Variants in ASTN2 observed in about 807,000 individuals in gnomAD.
The protein encoded by ASTN2 is astrotactin-2.
In ASTN2, 54 loss-of-function variants were observed where a neutral mutation model predicts 139.8. That is an observed-to-expected ratio of 0.39 (90% confidence interval 0.31 to 0.48). The LOEUF (loss-of-function observed/expected upper bound fraction) is 0.48. Ranked by LOEUF, ASTN2 falls within the 20% of genes least tolerant of loss-of-function variation. The pLI, the probability that ASTN2 is intolerant of heterozygous loss-of-function variation, is 0.95. For missense variants in ASTN2, 1,565 were observed against 1,725.1 expected, an observed-to-expected ratio of 0.91 and a Z score of 1.64; for synonymous variants, 756 against 719.5, an observed-to-expected ratio of 1.05 and a Z score of -0.81.
chr9:116,499,189 T>C (rs1448123581), intron 19 of ASTN2, among the ~76,000 whole-genome samples: 1 of 152,216 alleles, frequency 6.6e-6, no homozygotes, highest in African/African-American at 2.4e-5. Context: ...ATTTACCTCT[T>C]TATTTGCTTT....
intron 1 of ASTN2, among the ~76,000 whole-genome samples, chr9:117,400,549 C>A (rs1830800504): frequency 6.6e-6 from 1 of 152,184 alleles, no homozygotes; most frequent in Non-Finnish European, 1.5e-5. Context: ...GGCAGTCCCC[C>A]TCCCTGGGGA....
chr9:117,004,555 T>C (rs1837301868), intron 7 of ASTN2, among the ~76,000 whole-genome samples: 1 of 152,188 alleles, frequency 6.6e-6, no homozygotes, highest in Non-Finnish European at 1.5e-5. Context: ...AGAAGTCGTC[T>C]CCTTACTTCT....
chr9:117,097,725 A>G (rs1272696855), intron 4 of ASTN2, among the ~76,000 whole-genome samples: 1 of 152,232 alleles, frequency 6.6e-6, no homozygotes, highest in East Asian at 1.9e-4. Flanking sequence ...ACTAAGGAAA[A>G]GAAAAACATA....
intron 4 of ASTN2, among the ~76,000 whole-genome samples, chr9:117,102,401 C>T (rs1175955762): frequency 2.0e-5 from 3 of 152,118 alleles, no homozygotes; most frequent in Non-Finnish European, 4.4e-5. Context: ...TGAGGGGTAA[C>T]AGTTAATAAC....
At chr9:116,777,627 C>T (rs533833958) in intron 13 of ASTN2, among the ~76,000 whole-genome samples, 9 of 152,036 alleles carry the variant, frequency 5.9e-5, no homozygotes, top group East Asian at 1.9e-4. Context: ...TTTCTGACTC[C>T]GAGGGTCTGG....
At chr9:116,547,269 T>C (rs1852138459) in intron 19 of ASTN2, 1 of 152,226 alleles carries the variant, frequency 6.6e-6, no homozygotes. Context: ...CTCTGTTGTT[T>C]ACTAACCTGT....
At chr9:117,173,602 T>C (rs973759904) in intron 3 of ASTN2, among the ~76,000 whole-genome samples, 2 of 151,926 alleles carry the variant, frequency 1.3e-5, no homozygotes, top group African/African-American at 2.4e-5. Flanking sequence ...TCTAAACATA[T>C]GCCTGGAAAT....
intron 10 of ASTN2, among the ~76,000 whole-genome samples, chr9:116,947,900 GAACCAT>G (rs1449155898): frequency 6.6e-6 from 1 of 152,214 alleles, no homozygotes; most frequent in Non-Finnish European, 1.5e-5. Context: ...ATTCAGGTCA[GAACCAT>G]GCGTTGTTTT....
chr9:116,792,253 G>A (rs1830579423), intron 13 of ASTN2, among the ~76,000 whole-genome samples: 1 of 152,126 alleles, frequency 6.6e-6, no homozygotes. Flanking sequence ...ACTAATGGGT[G>A]TTGATGCTAT....
intron 2 of ASTN2, among the ~76,000 whole-genome samples, chr9:117,222,898 T>G (rs1372278882): frequency 6.6e-6 from 1 of 151,054 alleles, no homozygotes; most frequent in Non-Finnish European, 1.5e-5. Flanking sequence ...AAAAGGAGAC[T>G]CAGAAGAGAA....
chr9:116,488,249 A>C (rs1336396422), intron 19 of ASTN2, among the ~76,000 whole-genome samples: 1 of 152,210 alleles, frequency 6.6e-6, no homozygotes, highest in East Asian at 1.9e-4. Flanking sequence ...AAACAGAACT[A>C]ATAAAGAAGT....
At position 116,700,076 on chromosome 9, in the gene ASTN2, G is replaced by T. The variant is rs187467050; in HGVS notation, c.2806+25695C>A. 1.3e-5 allele frequency: 4 copies of T among 315,896 alleles called. No individual in the cohort carries two copies. In the Admixed American group the frequency reaches 1.9e-4, roughly 15 times the overall value. 19.6% of individuals were successfully genotyped at this position (315,896 alleles called of 1,614,324 possible). ...TTTCCCATTTGGCTTTGATGCCCTT[G>T]ATCCATTGTTTCCTTCCTACTATAA... On this transcript the variant is annotated intron_variant, in intron 16 of 22. Transcript: ENST00000313400.
At chr9:116,958,364 G>A (rs1835779867) in intron 10 of ASTN2, among the ~76,000 whole-genome samples, 1 of 152,098 alleles carries the variant, frequency 6.6e-6, no homozygotes, top group Admixed American at 6.5e-5. Context: ...GCCGAGGTGG[G>A]CAGATCACAA....
chr9:117,116,054 T>A (rs1186732217), intron 4 of ASTN2, among the ~76,000 whole-genome samples: 1 of 90,098 alleles, frequency 1.1e-5, no homozygotes, highest in African/African-American at 4.7e-5. Context: ...ATATATATAT[T>A]GCTCCCATCC....
At position 116,635,233 on chromosome 9, in the gene ASTN2, C is replaced by T. The variant is rs1260898639; in HGVS notation, c.3073-14790G>A. 3.9e-5 allele frequency among the ~76,000 whole-genome samples: 6 copies of T among 152,222 alleles called. No homozygotes were observed. The South Asian group carries it at 1.0e-3, about 26-fold the overall frequency. On this transcript the variant is annotated intron_variant, in intron 17 of 22. Coordinates refer to ENST00000313400, the MANE Select transcript of ASTN2 (RefSeq NM_001365068.1). ...TCAGAGCCACCCTATAAAGTGGGTG[C>T]TCATATTACTCCCATCTTACATCTA...
At chr9:116,428,009 G>A (rs1847363099) in intron 22 of ASTN2, among the ~76,000 whole-genome samples, 1 of 152,260 alleles carries the variant, frequency 6.6e-6, no homozygotes, top group Non-Finnish European at 1.5e-5. Context: ...ATTTCTTGCT[G>A]ATTTGTTGAG....
intron 19 of ASTN2, among the ~76,000 whole-genome samples, chr9:116,490,862 C>T (rs1849498839): frequency 6.6e-6 from 1 of 152,108 alleles, no homozygotes; most frequent in Admixed American, 6.5e-5. Flanking sequence ...TACAGCCAAA[C>T]CATATCAATG....
At chr9:116,484,593 A>G (rs1328352079) in intron 20 of ASTN2, among the ~76,000 whole-genome samples, 4 of 152,208 alleles carry the variant, frequency 2.6e-5, no homozygotes, top group Admixed American at 2.6e-4. Context: ...GAGAGCCGCC[A>G]ATGGGATAAG....
chr9:117,304,032 G>A (rs149439891), intron 1 of ASTN2, among the ~76,000 whole-genome samples: 1 of 152,316 alleles, frequency 6.6e-6, no homozygotes, highest in African/African-American at 2.4e-5. Flanking sequence ...GCTAACCACA[G>A]AATATGTGAG....
Sources: gnomAD v4.1 joint callset for allele counts (sites outside exome capture counted in the v4.1 genomes callset) on GRCh38, gnomAD v4.1.1 for gene constraint, MANE v1.5 for transcripts, NCBI Gene and HGNC (gene_info 2026-07-23, HGNC 2026-07-21) for gene names.